Variants in DMD observed in about 807,000 individuals in gnomAD.
The protein encoded by DMD is mutant dystrophin.
DMD carries 63 observed loss-of-function variants against 330.1 expected under a neutral mutation model. The observed-to-expected ratio is 0.19, with a 90% CI of 0.16 to 0.24. The LOEUF (loss-of-function observed/expected upper bound fraction) is 0.24. DMD is among the 10% of genes least tolerant of loss of function. The pLI is 1.00. For missense variants in DMD, 3,344 were observed against 2,684.1 expected (o/e 1.25, Z -5.43); for synonymous variants, 1,223 against 959.8 (o/e 1.27, Z -5.07).
At chrX:33,017,343 A>G (rs1330034509) in intron 2 of DMD, among the ~76,000 whole-genome samples, 1 of 106,110 alleles carries the variant, frequency 9.4e-6, no homozygotes, top group Non-Finnish European at 2.0e-5. Context: ...AAAGGCAATG[A>G]AAAATTATCA....
At chrX:32,926,076 G>A (rs750486552) in intron 2 of DMD, among the ~76,000 whole-genome samples, 3 of 112,133 alleles carry the variant, frequency 2.7e-5, no homozygotes, top group South Asian at 7.4e-4. Context: ...AATGGATAAT[G>A]AAAATGTGGT....
chrX:32,455,363 T>G (rs2098352856), intron 25 of DMD, among the ~76,000 whole-genome samples: 1 of 111,579 alleles, frequency 9.0e-6, no homozygotes, highest in Non-Finnish European at 1.9e-5. Context: ...AAAGATGTTC[T>G]AATACCATTT....
intron 63 of DMD, among the ~76,000 whole-genome samples, chrX:31,256,847 G>A (rs935955902): frequency 9.1e-6 from 1 of 109,784 alleles, no homozygotes; most frequent in Admixed American, 9.8e-5. Flanking sequence ...GTAAGAAATG[G>A]AATGGGGGTA....
chrX:32,740,270 C>T (rs947814888), intron 7 of DMD, among the ~76,000 whole-genome samples: 1 of 110,181 alleles, frequency 9.1e-6, no homozygotes, highest in South Asian at 3.8e-4. Flanking sequence ...AAATTCTATT[C>T]TTTTGAGTCG....
At chrX:31,713,393 T>G (rs2084790930) in intron 52 of DMD, among the ~76,000 whole-genome samples, 1 of 111,725 alleles carries the variant, frequency 9.0e-6, no homozygotes, top group African/African-American at 3.2e-5. Flanking sequence ...GCCAAATATT[T>G]TTCTCCTTTG....
intron 2 of DMD, among the ~76,000 whole-genome samples, chrX:32,983,631 T>A (rs895741590): frequency 1.0e-4 from 11 of 109,434 alleles, no homozygotes; most frequent in Non-Finnish European, 1.7e-4. Flanking sequence ...AATGTCAATA[T>A]TCTGGCTGTG....
intron 55 of DMD, among the ~76,000 whole-genome samples, chrX:31,617,921 C>A (rs895710177): frequency 1.8e-5 from 2 of 111,521 alleles, no homozygotes; most frequent in Non-Finnish European, 3.8e-5. Flanking sequence ...ATGTTCTTTG[C>A]AGCAACATGG....
intron 47 of DMD, among the ~76,000 whole-genome samples, chrX:31,898,507 A>G (rs755163500): frequency 9.0e-6 from 1 of 111,489 alleles, no homozygotes; most frequent in Admixed American, 9.5e-5. Context: ...TGAGAAAAAC[A>G]AGCAATGGGG....
At chrX:32,064,690 CAT>C (rs1161674954) in intron 44 of DMD, among the ~76,000 whole-genome samples, 10 of 110,531 alleles carry the variant, frequency 9.0e-5, no homozygotes, top group African/African-American at 3.3e-4. Flanking sequence ...CATGCATGCC[CAT>C]GTGTGTGGGT....
chrX:32,818,332 C>A (rs908397860), intron 5 of DMD, among the ~76,000 whole-genome samples: 11 of 111,749 alleles, frequency 9.8e-5, no homozygotes, highest in African/African-American at 2.9e-4. Context: ...GCTTATCAGC[C>A]TCAGCCTCGC....
chrX:33,027,587 G>A (rs1177909582), intron 1 of DMD, among the ~76,000 whole-genome samples: 3 of 112,498 alleles, frequency 2.7e-5, no homozygotes, highest in Non-Finnish European at 5.6e-5. Context: ...CACCTACTAG[G>A]TGGTAGAAAA....
chrX:31,337,171 C>T (rs762113300), intron 61 of DMD, among the ~76,000 whole-genome samples: 2 of 110,347 alleles, frequency 1.8e-5, no homozygotes, highest in Non-Finnish European at 3.8e-5. Context: ...GATCCGCCCG[C>T]CTCAGCCTCC....
intron 42 of DMD, among the ~76,000 whole-genome samples, chrX:32,291,406 C>A (rs760222917): frequency 4.5e-5 from 5 of 111,881 alleles, no homozygotes; most frequent in Non-Finnish European, 7.5e-5. Context: ...CTGAAATATT[C>A]TCTCATGAGA....
intron 44 of DMD, among the ~76,000 whole-genome samples, chrX:32,123,242 T>TATATATATATATATAA (rs1311432895): frequency 1.2e-5 from 1 of 80,970 alleles, no homozygotes; most frequent in Non-Finnish European, 2.4e-5. Flanking sequence ...TATATATATA[T>TATATATATATATATAA]AAATGATCAA....
At position 32,596,300 on chromosome X, in the gene DMD, G is replaced by GAA. The variant is rs11374896; in HGVS notation, c.1483-426_1483-425dup. On this transcript the variant is annotated intron_variant, in intron 12 of 78. Coordinates refer to ENST00000357033, the MANE Select transcript of DMD (RefSeq NM_004006.3). ...GTCCTATTATGTGTTCCTCTTCACT[G>GAA]AAAAAAAAAAAAACAAATGTATCCT... Among the ~76,000 whole-genome samples, 750 of 96,323 alleles carry GAA rather than the reference G, an allele frequency of 7.8e-3. 6 individuals carry two copies. The highest frequency in any genetic ancestry group is 0.037 in the East Asian group (112 of 3,045). The allele number at this position is 96,323 out of a possible 115,157, so 83.6% of individuals were successfully genotyped here.
chrX:32,593,604 T>G (rs1225864896), intron 13 of DMD, among the ~76,000 whole-genome samples: 3 of 110,277 alleles, frequency 2.7e-5, no homozygotes, highest in African/African-American at 9.9e-5. Context: ...GCAACCAGGG[T>G]AGATAGTGAC....
intron 61 of DMD, among the ~76,000 whole-genome samples, chrX:31,345,977 G>A (rs1003992896): frequency 9.0e-6 from 1 of 111,019 alleles, no homozygotes; most frequent in African/African-American, 3.3e-5. Flanking sequence ...ACAGCCAACT[G>A]GAGACACACA....
intron 43 of DMD, among the ~76,000 whole-genome samples, chrX:32,231,087 A>G (rs1015272389): frequency 8.9e-6 from 1 of 112,259 alleles, no homozygotes; most frequent in Non-Finnish European, 1.9e-5. Context: ...TGTGTAAATG[A>G]TTTTACTGCT....
intron 4 of DMD, among the ~76,000 whole-genome samples, chrX:32,832,952 T>A (rs1470860371): frequency 9.0e-6 from 1 of 111,385 alleles, no homozygotes; most frequent in Non-Finnish European, 1.9e-5. Flanking sequence ...CATTAGATAA[T>A]TTTTGAAGCA....
Sources: allele counts gnomAD v4.1 joint callset (sites outside exome capture counted in the v4.1 genomes callset), GRCh38; gene constraint gnomAD v4.1.1; transcripts MANE v1.5; gene names NCBI Gene and HGNC (gene_info 2026-07-23, HGNC 2026-07-21).